The following SLC38A6 variants were observed in gnomAD, a reference collection of about 807,000 sequenced individuals.
SLC38A6 encodes the protein N system amino acid transporter NAT-1.
A neutral mutation model predicts 65.0 loss-of-function variants in SLC38A6; 73 were observed. The ratio of observed to expected loss-of-function variants is 1.12; its 90% CI spans 0.93 to 1.37. The LOEUF is 1.37. Ranked by LOEUF, SLC38A6 falls within the 40% of genes most tolerant of loss-of-function variation. The probability of loss-of-function intolerance (pLI) is 0.00; values close to 1 mark genes in which losing one functional copy is unlikely to be tolerated. For synonymous variants in SLC38A6, 183 were observed against 178.8 expected (o/e 1.02, Z -0.19); for missense variants, 561 against 531.1 (o/e 1.06, Z -0.55).
chr14:61,009,518 C>T (rs553073075), intron 3 of SLC38A6, among the ~76,000 whole-genome samples: 2 of 152,136 alleles, frequency 1.3e-5, no homozygotes, highest in East Asian at 3.9e-4. Flanking sequence ...GGTATATCTC[C>T]TAATGCTATC....
chr14:61,062,173 A>C (rs1286263826), intron 15 of SLC38A6, among the ~76,000 whole-genome samples: 1 of 152,158 alleles, frequency 6.6e-6, no homozygotes, highest in Non-Finnish European at 1.5e-5. Context: ...AGCTTATTTG[A>C]GTAAATACCA....
chr14:61,070,498 G>C (rs1283768731), intron 15 of SLC38A6, among the ~76,000 whole-genome samples: 3 of 152,180 alleles, frequency 2.0e-5, no homozygotes, highest in Non-Finnish European at 4.4e-5. Context: ...TGGCTATTGT[G>C]GATAATGCAG....
At chr14:60,988,127 A>G (rs1340716812) in intron 3 of SLC38A6, among the ~76,000 whole-genome samples, 2 of 152,108 alleles carry the variant, frequency 1.3e-5, no homozygotes, top group African/African-American at 4.8e-5. Flanking sequence ...TGTTTCTTAC[A>G]CTACGAGAAC....
intron 16 of SLC38A6, among the ~76,000 whole-genome samples, chr14:61,080,908 G>A (rs549207951): frequency 1.1e-4 from 17 of 152,330 alleles, no homozygotes; most frequent in African/African-American, 3.8e-4. Context: ...CACACGCATT[G>A]TCAGCGCGAG....
chr14:61,043,469 A>C lies in SLC38A6; in HGVS notation c.710A>C (p.Asp237Ala), dbSNP rs377644829. The stretch of plus-strand genomic sequence containing the variant: ...AAACAGATTTCAAATGTTACAGATG[A>C]TTGTAAGCCAAAGCTCTTTCATTTC... ...KGFQISNVTD[D>A]CKPKLFHFSK... Residue 237 changes from aspartate (D) to alanine (A), a missense_variant, in exon 10 of 16, where the codon GAT becomes GCT. By Grantham distance (126) the Asp-to-Ala change is moderately radical (BLOSUM62 -2). Transcript: ENST00000267488. The C allele has an allele frequency of 6.2e-6, 10 of 1,608,556 alleles. No homozygotes were observed. Among genetic ancestry groups the C allele is most frequent in the Non-Finnish European group, 8.5e-6 (10 of 1,178,016 alleles).
At position 61,075,823 on chromosome 14, in the gene SLC38A6, G is replaced by GTA. The variant is rs879557370; in HGVS notation, c.1291-2986_1291-2985insAT. On this transcript the variant is annotated intron_variant, in intron 15 of 16. Transcript: ENST00000354886. ...TGTGTGTGTGTGTGTGTGTGTGTGTGTGTGTGTGTATGTATTTGGGATCAG... is the reference window on the plus strand; with the variant it reads ...TGTGTGTGTGTGTGTGTGTGTGTGTGTATGTGTGTGTATGTATTTGGGATCAG... Among the ~76,000 whole-genome samples, 533 of 143,230 alleles carry GTA rather than the reference G, an allele frequency of 3.7e-3. 3 individuals are homozygous for GTA. Among genetic ancestry groups the GTA allele is most frequent in the Non-Finnish European group, 6.6e-3 (435 of 65,608 alleles). The allele number at this position is 143,230 out of a possible 152,430, so 94.0% of individuals were successfully genotyped here.
chr14:61,005,407 T>C (rs1304654872), intron 3 of SLC38A6, among the ~76,000 whole-genome samples: 3 of 129,190 alleles, frequency 2.3e-5, no homozygotes, highest in East Asian at 2.2e-4. Context: ...TGTTTGCAGA[T>C]GACATGATTG....
Position 61,037,148 on chromosome 14 carries a change from C to A in SLC38A6, c.565+7C>A. 2.6e-6 allele frequency: 4 copies of A among 1,562,944 alleles called. No homozygotes were observed. The highest frequency in any genetic ancestry group is 3.5e-6 in the Non-Finnish European group (4 of 1,150,534). ...GCACTTCTTCCCAAAATAGGTAAGT[C>A]TTTATAGAGCACATTATTTGTTTAG... On this transcript the variant is annotated splice_region_variant and intron_variant, in intron 7 of 15. Transcript: ENST00000267488.
At chr14:61,018,674 T>C (rs2040169541) in intron 4 of SLC38A6, among the ~76,000 whole-genome samples, 1 of 152,198 alleles carries the variant, frequency 6.6e-6, no homozygotes, top group African/African-American at 2.4e-5. Context: ...TCTAAGCATA[T>C]CTGATTACCT....
intron 7 of SLC38A6, 81 bp from the exon 8 acceptor site, chr14:61,037,544 A>G (rs2041479649): frequency 1.1e-6 from 1 of 949,626 alleles, no homozygotes; most frequent in Non-Finnish European, 1.6e-6. Context: ...AATAGAAAAC[A>G]TGCCTAAGAT....
chr14:61,037,036 A>C (rs1417679404), intron 6 of SLC38A6, 23 bp from the exon 7 acceptor site: 2 of 1,544,704 alleles, frequency 1.3e-6, no homozygotes, highest in Admixed American at 1.7e-5. Flanking sequence ...CCCATGCCTA[A>C]AGTAGAACTT....
chr14:61,037,766 T>C, intron 8 of SLC38A6, 83 bp downstream of exon 8: 1 of 899,618 alleles, frequency 1.1e-6, no homozygotes, highest in Non-Finnish European at 1.7e-6. Context: ...TTAACTGTTT[T>C]GTGTTGGGAA....
rs2042572753 is a variant in SLC38A6, at chr14:61,052,622, G to T, written c.*193G>T. The T allele has an allele frequency of 1.6e-6, 1 of 620,148 alleles. No homozygotes were observed. Among genetic ancestry groups the T allele is most frequent in the Non-Finnish European group, 2.3e-6 (1 of 431,392 alleles). The allele number at this position is 620,148 out of a possible 1,614,324, so 38.4% of individuals were successfully genotyped here. A position where few individuals can be genotyped will look rare whatever the true frequency, so the allele number is the denominator to read the frequency against. ...TCAAAAAAAGAAACAAACTCGAAAT[G>T]CTCTTAAATATATTGGGTTGATCTT... On this transcript the variant is annotated 3_prime_UTR_variant, in exon 16 of 16. Coordinates refer to ENST00000267488, the MANE Select transcript of SLC38A6 (RefSeq NM_153811.3).
At chr14:60,986,130 G>C (rs2037432479) in intron 3 of SLC38A6, among the ~76,000 whole-genome samples, 1 of 152,218 alleles carries the variant, frequency 6.6e-6, no homozygotes, top group Non-Finnish European at 1.5e-5. Context: ...ATTCTGTGCT[G>C]AAACAGGTGA....
At chr14:61,032,442 GA>G in intron 6 of SLC38A6, among the ~76,000 whole-genome samples, 1 of 151,660 alleles carries the variant, frequency 6.6e-6, no homozygotes, top group Admixed American at 6.6e-5. Context: ...TTGTTGCATT[GA>G]TTTTTTTGTT....
At chr14:61,064,747 T>G (rs768724123) in intron 15 of SLC38A6, among the ~76,000 whole-genome samples, 2 of 151,630 alleles carry the variant, frequency 1.3e-5, no homozygotes, top group Admixed American at 1.3e-4. Context: ...TGTTCATAAT[T>G]TATTAGGTAA....
chr14:61,032,368 T>G (rs2041053768), intron 6 of SLC38A6, among the ~76,000 whole-genome samples: 1 of 151,892 alleles, frequency 6.6e-6, no homozygotes. Flanking sequence ...AATTTAGGTC[T>G]TCTTTCTCTA....
intron 5 of SLC38A6, among the ~76,000 whole-genome samples, chr14:61,026,176 C>T (rs184105853): frequency 4.6e-5 from 7 of 151,988 alleles, no homozygotes; most frequent in African/African-American, 1.4e-4. Context: ...TGCTTAATAA[C>T]GACAACTTGG....
intron 16 of SLC38A6, among the ~76,000 whole-genome samples, chr14:61,080,428 ACT>A (rs908007507): frequency 3.3e-5 from 5 of 151,898 alleles, no homozygotes; most frequent in Non-Finnish European, 7.4e-5. Context: ...TTTGGAGCTG[ACT>A]CTCTCCTTTG....
Sources: gnomAD v4.1 joint callset for allele counts (sites outside exome capture counted in the v4.1 genomes callset) on GRCh38, gnomAD v4.1.1 for gene constraint, MANE v1.5 for transcripts, NCBI Gene and HGNC (gene_info 2026-07-23, HGNC 2026-07-21) for gene names.